Variants in RSPH14 observed in about 807,000 individuals in gnomAD.
RSPH14 encodes radial spoke head 14 homolog.
Under a neutral mutation model 26.7 loss-of-function variants are expected in RSPH14, and 20 were observed. The observed-to-expected ratio is 0.75, with a 90% confidence interval of 0.53 to 1.09. The LOEUF is 1.09. Among genes scored for constraint, RSPH14 ranks in the 50% least tolerant of loss-of-function variants. The probability of loss-of-function intolerance (pLI) is 0.00; values close to 1 mark genes in which losing one functional copy is unlikely to be tolerated. For missense variants in RSPH14, 449 were observed against 457.2 expected (o/e 0.98, Z 0.16); for synonymous variants, 177 against 189.3 (o/e 0.93, Z 0.53).
At chr22:23,102,163 T>G (rs1025194152) in intron 4 of RSPH14, among the ~76,000 whole-genome samples, 1 of 152,236 alleles carries the variant, frequency 6.6e-6, no homozygotes, top group African/African-American at 2.4e-5. Context: ...CAGCCTTAAC[T>G]GGGGCTGCGG....
intron 4 of RSPH14, among the ~76,000 whole-genome samples, chr22:23,070,167 G>T (rs899738354): frequency 6.6e-5 from 10 of 151,938 alleles, no homozygotes; most frequent in Non-Finnish European, 1.3e-4. Context: ...CTACTGGCCC[G>T]TCCGTCAGCT....
chr22:23,076,961 C>G (rs764749112), intron 4 of RSPH14, among the ~76,000 whole-genome samples: 3 of 152,202 alleles, frequency 2.0e-5, no homozygotes, highest in Non-Finnish European at 4.4e-5. Context: ...GAGTTGGAAG[C>G]TCTGGGCTGG....
the RSPH14 span, chr22:23,153,433 C>A: frequency 2.7e-6 from 1 of 369,834 alleles, no homozygotes; most frequent in Non-Finnish European, 3.7e-6. Flanking sequence ...GCTCCAGTCC[C>A]TCCCTGACCT....
intron 4 of RSPH14, among the ~76,000 whole-genome samples, chr22:23,074,709 G>C (rs2068467318): frequency 6.6e-6 from 1 of 152,134 alleles, no homozygotes; most frequent in Admixed American, 6.5e-5. Flanking sequence ...GAGAGATTGA[G>C]GATTGACGGG....
chr22:23,093,247 C>T (rs1297012961), intron 4 of RSPH14, among the ~76,000 whole-genome samples: 3 of 152,220 alleles, frequency 2.0e-5, no homozygotes, highest in African/African-American at 7.2e-5. Flanking sequence ...AATCACTGCC[C>T]TCTTGGCAGA....
intron 4 of RSPH14, among the ~76,000 whole-genome samples, chr22:23,079,521 T>G (rs1197120700): frequency 6.6e-6 from 1 of 152,170 alleles, no homozygotes; most frequent in Non-Finnish European, 1.5e-5. Flanking sequence ...CCTGGTGCCC[T>G]GGCTGGACTT....
rs1040936612 is a variant in RSPH14, at chr22:23,136,513, C to G, written c.302+2327G>C. 4.3e-5 allele frequency among the ~76,000 whole-genome samples: 6 copies of G among 138,294 alleles called. 1 individual carries two copies. The highest frequency in any genetic ancestry group is 1.5e-4 in the African/African-American group (6 of 38,844). The allele number at this position is 138,294 out of a possible 152,430, so 90.7% of individuals were successfully genotyped here. A position where few individuals can be genotyped will look rare whatever the true frequency, so the allele number is the denominator to read the frequency against. On this transcript the variant is annotated intron_variant, in intron 3 of 6. Transcript: ENST00000216036. ...GCCAGGCCATTATCAGGTCCCTGGTCAGGGATGGTCACTTCACCATGTCTT... is the reference window on the plus strand; with the variant it reads ...GCCAGGCCATTATCAGGTCCCTGGTGAGGGATGGTCACTTCACCATGTCTT...
intron 4 of RSPH14, chr22:23,124,335 G>T: frequency 1.0e-5 from 4 of 398,230 alleles, no homozygotes; most frequent in Non-Finnish European, 2.1e-5. Flanking sequence ...TTTTCAGGTG[G>T]TCTTTTTTGT....
chr22:23,128,671 C>T (rs545961747), intron 4 of RSPH14, among the ~76,000 whole-genome samples: 1 of 152,330 alleles, frequency 6.6e-6, no homozygotes, highest in South Asian at 2.1e-4. Context: ...TCTGAAACCA[C>T]TCTCCCAGAC....
chr22:23,172,634 C>T, the RSPH14 span, among the ~76,000 whole-genome samples: 3 of 135,822 alleles, frequency 2.2e-5, no homozygotes, highest in Non-Finnish European at 4.6e-5. Flanking sequence ...ACCCAGGAGG[C>T]GGAGCAAGAA....
chr22:23,149,551 G>A (rs546009027), upstream of RSPH14, among the ~76,000 whole-genome samples: 10 of 152,304 alleles, frequency 6.6e-5, no homozygotes, highest in Non-Finnish European at 1.3e-4. Context: ...AGAAGGTATG[G>A]ATTAGAGACA....
At chr22:23,097,681 C>T (rs1381066359) in intron 4 of RSPH14, among the ~76,000 whole-genome samples, 1 of 152,258 alleles carries the variant, frequency 6.6e-6, no homozygotes, top group Non-Finnish European at 1.5e-5. Context: ...ACAAGTTCAG[C>T]CCCATGTGTG....
upstream of RSPH14, chr22:23,145,591 C>T: frequency 6.4e-7 from 1 of 1,572,134 alleles, no homozygotes; most frequent in Non-Finnish European, 8.6e-7. Context: ...CTCCCGGTCA[C>T]CCAACCCCGT....
intron 4 of RSPH14, among the ~76,000 whole-genome samples, chr22:23,065,055 C>G (rs2068176758): frequency 6.6e-6 from 1 of 152,190 alleles, no homozygotes; most frequent in Non-Finnish European, 1.5e-5. Flanking sequence ...GCAAAGCCAT[C>G]TACAGCCCCC....
intron 4 of RSPH14, among the ~76,000 whole-genome samples, chr22:23,086,528 C>T (rs572457899): frequency 2.0e-5 from 3 of 152,314 alleles, no homozygotes; most frequent in Non-Finnish European, 2.9e-5. Context: ...CTCAGCCACC[C>T]GAGCAGGCAC....
At chr22:23,140,901 G>C (rs537599033) in intron 1 of RSPH14, among the ~76,000 whole-genome samples, 6 of 152,190 alleles carry the variant, frequency 3.9e-5, no homozygotes, top group African/African-American at 2.4e-5. Flanking sequence ...CTGAGGTTCT[G>C]GCCAAGGAGC....
At chr22:23,173,907 G>GC in the RSPH14 span, among the ~76,000 whole-genome samples, 1 of 151,724 alleles carries the variant, frequency 6.6e-6, no homozygotes, top group Non-Finnish European at 1.5e-5. Context: ...ACAGGGTTTC[G>GC]CCATGTTGGT....
chr22:23,119,454 G>C (rs1001353270), intron 4 of RSPH14, among the ~76,000 whole-genome samples: 1 of 152,178 alleles, frequency 6.6e-6, no homozygotes. Flanking sequence ...CCCCATCTCT[G>C]AGAGCTGCAG....
At chr22:23,097,620 G>T (rs557742577) in intron 4 of RSPH14, among the ~76,000 whole-genome samples, 1 of 152,274 alleles carries the variant, frequency 6.6e-6, no homozygotes, top group Non-Finnish European at 1.5e-5. Flanking sequence ...CCTGTTCCCA[G>T]TGTGTATCTG....
Sources: allele counts gnomAD v4.1 joint callset (sites outside exome capture counted in the v4.1 genomes callset), GRCh38; gene constraint gnomAD v4.1.1; transcripts MANE v1.5; gene names NCBI Gene and HGNC (gene_info 2026-07-23, HGNC 2026-07-21).